Variants in SLC35A1 observed in about 807,000 individuals in gnomAD.
SLC35A1 encodes the protein CMP-sialic acid transporter.
A neutral mutation model predicts 40.3 loss-of-function variants in SLC35A1; 21 were observed. The observed-to-expected ratio is 0.52, with a 90% CI of 0.37 to 0.75. The LOEUF (loss-of-function observed/expected upper bound fraction) is 0.75, where lower values mean the gene tolerates loss of function less well. Ranked by LOEUF, SLC35A1 falls within the 30% of genes least tolerant of loss-of-function variation. The pLI, the probability that SLC35A1 is intolerant of heterozygous loss-of-function variation, is 0.00. For missense variants in SLC35A1, 297 were observed against 382.1 expected (o/e 0.78, Z 1.86); for synonymous variants, 146 against 147.3 (o/e 0.99, Z 0.06).
intron 2 of SLC35A1, among the ~76,000 whole-genome samples, chr6:87,488,731 C>T (rs1424307172): frequency 6.6e-6 from 1 of 152,190 alleles, no homozygotes; most frequent in African/African-American, 2.4e-5. Context: ...TTTTGGAGAT[C>T]TGAAGTCTAG....
chr6:87,508,802 T>G (rs978805175), intron 6 of SLC35A1: 16 of 703,846 alleles, frequency 2.3e-5, no homozygotes, highest in Non-Finnish European at 3.7e-5. Context: ...TATCTAACAT[T>G]AGCAAAAAAT....
intron 7 of SLC35A1, among the ~76,000 whole-genome samples, chr6:87,510,059 TACC>T (rs1485825771): frequency 2.0e-5 from 3 of 152,248 alleles, no homozygotes; most frequent in African/African-American, 7.2e-5. Context: ...ATCTTGCCTG[TACC>T]ATTTCTTAAC....
intron 2 of SLC35A1, among the ~76,000 whole-genome samples, chr6:87,484,965 G>C (rs1370548601): frequency 3.9e-5 from 6 of 152,110 alleles, no homozygotes; most frequent in Non-Finnish European, 8.8e-5. Context: ...GCTTTATAAT[G>C]GTCTTTTAGA....
At chr6:87,478,835 G>A (rs1769160823) in intron 2 of SLC35A1, among the ~76,000 whole-genome samples, 1 of 152,172 alleles carries the variant, frequency 6.6e-6, no homozygotes, top group African/African-American at 2.4e-5. Context: ...TTCTATAGAA[G>A]GGTGTGCCCT....
intron 2 of SLC35A1, among the ~76,000 whole-genome samples, chr6:87,497,074 CTCT>C (rs956170363): frequency 1.3e-5 from 2 of 151,976 alleles, no homozygotes; most frequent in African/African-American, 2.4e-5. Flanking sequence ...ATTATTTACC[CTCT>C]TCTTTAAAAC....
At chr6:87,494,838 A>G (rs1397702794) in intron 2 of SLC35A1, among the ~76,000 whole-genome samples, 1 of 152,256 alleles carries the variant, frequency 6.6e-6, no homozygotes, top group African/African-American at 2.4e-5. Flanking sequence ...AATTCACGGG[A>G]AAATTGTTAT....
chr6:87,494,546 G>A (rs934930221), intron 2 of SLC35A1, among the ~76,000 whole-genome samples: 5 of 150,672 alleles, frequency 3.3e-5, no homozygotes, highest in Admixed American at 2.7e-4. Context: ...CCTCAGCCTC[G>A]CGAGGAGCTG....
At position 87,511,430 on chromosome 6, in the gene SLC35A1, ATG is replaced by A. The variant is rs770772666; in HGVS notation, c.922_923del (p.Val308PhefsTer48). 2 of 1,612,850 alleles carry A rather than the reference ATG, an allele frequency of 1.2e-6. No homozygotes were observed. Among genetic ancestry groups the A allele is most frequent in the Non-Finnish European group, 1.7e-6 (2 of 1,179,548 alleles). ...LTFALGTLLV[C>X]VSIYLYGLPR... ...CCTTTGCCCTGGGTACTCTTCTTGT[ATG>A]TGTTTCCATATATCTCTATGGATTA... On this transcript the variant is annotated frameshift_variant, in exon 8 of 8. Transcript: ENST00000369552. LOFTEE classifies it high-confidence loss of function.
At chr6:87,477,277 G>A (rs1769104034) in intron 1 of SLC35A1, 85 bp from the exon 2 acceptor site, 1 of 1,233,286 alleles carries the variant, frequency 8.1e-7, no homozygotes, top group East Asian at 2.5e-5. Flanking sequence ...GAATTGGAAA[G>A]TATTTTTAGG....
At chr6:87,490,151 C>A (rs1425933715) in intron 2 of SLC35A1, among the ~76,000 whole-genome samples, 2 of 151,574 alleles carry the variant, frequency 1.3e-5, no homozygotes, top group Non-Finnish European at 2.9e-5. Flanking sequence ...ATCGCTTGAA[C>A]CTGGGAGGTG....
At chr6:87,485,355 T>A (rs1031423083) in intron 2 of SLC35A1, among the ~76,000 whole-genome samples, 1 of 152,214 alleles carries the variant, frequency 6.6e-6, no homozygotes, top group African/African-American at 2.4e-5. Flanking sequence ...GACTTTATCA[T>A]CTCACAGAAA....
At chr6:87,500,318 A>G (rs1240297307) in intron 2 of SLC35A1, among the ~76,000 whole-genome samples, 190 bp from the exon 3 acceptor site, 2 of 152,178 alleles carry the variant, frequency 1.3e-5, no homozygotes, top group East Asian at 3.8e-4. Flanking sequence ...TCCCAAACAG[A>G]ACTATAATTT....
chr6:87,485,661 G>A (rs562625402), intron 2 of SLC35A1, among the ~76,000 whole-genome samples: 1 of 152,194 alleles, frequency 6.6e-6, no homozygotes, highest in East Asian at 1.9e-4. Flanking sequence ...TACCTGGGAG[G>A]CTAAGGTGGG....
chr6:87,479,477 A>G (rs977023541), intron 2 of SLC35A1, among the ~76,000 whole-genome samples: 3 of 152,206 alleles, frequency 2.0e-5, no homozygotes, highest in Non-Finnish European at 4.4e-5. Flanking sequence ...TTTTCTAGCC[A>G]TCCTGTAAAG....
intron 2 of SLC35A1, among the ~76,000 whole-genome samples, chr6:87,477,968 A>G (rs1277323412): frequency 6.6e-6 from 1 of 152,144 alleles, no homozygotes; most frequent in African/African-American, 2.4e-5. Context: ...ACAATTATTG[A>G]CTTGTGTTTT....
intron 2 of SLC35A1, among the ~76,000 whole-genome samples, chr6:87,484,536 G>A (rs1371441109): frequency 1.3e-5 from 2 of 152,132 alleles, no homozygotes; most frequent in Non-Finnish European, 2.9e-5. Flanking sequence ...AGACCGCACA[G>A]GCTAAACTAA....
chr6:87,486,920 T>C (rs554470364), intron 2 of SLC35A1, among the ~76,000 whole-genome samples: 1 of 152,202 alleles, frequency 6.6e-6, no homozygotes, highest in South Asian at 2.1e-4. Flanking sequence ...CTCACACCTA[T>C]AATCTCAGCA....
intron 2 of SLC35A1, among the ~76,000 whole-genome samples, chr6:87,497,458 T>C (rs973455229): frequency 2.6e-5 from 4 of 152,176 alleles, no homozygotes; most frequent in Non-Finnish European, 5.9e-5. Flanking sequence ...TACTTTTTGC[T>C]CCACTGAAGG....
At chr6:87,477,670 C>T (rs1444590450) in intron 2 of SLC35A1, 131 bp downstream of exon 2, 3 of 786,292 alleles carry the variant, frequency 3.8e-6, no homozygotes, top group Non-Finnish European at 4.2e-6. Context: ...GGTGATTTTG[C>T]CCCCCAGAAG....
Sources: gnomAD v4.1 joint callset for allele counts (sites outside exome capture counted in the v4.1 genomes callset) on GRCh38, gnomAD v4.1.1 for gene constraint, MANE v1.5 for transcripts, NCBI Gene and HGNC (gene_info 2026-07-23, HGNC 2026-07-21) for gene names.